Variants in TBC1D14 observed in about 807,000 individuals in gnomAD.
The protein encoded by TBC1D14 is TBC1 domain family, member 14.
In TBC1D14, 26 loss-of-function variants were observed where a neutral mutation model predicts 79.0. That is an observed-to-expected ratio of 0.33 (90% CI 0.24 to 0.46). TBC1D14 has a LOEUF of 0.46. Ranked by LOEUF, TBC1D14 falls within the 20% of genes least tolerant of loss-of-function variation. The probability of loss-of-function intolerance (pLI) is 1.00; values close to 1 mark genes in which losing one functional copy is unlikely to be tolerated. For missense variants in TBC1D14, 769 were observed against 887.6 expected (o/e 0.87, Z 1.70); for synonymous variants, 394 against 349.9 (o/e 1.13, Z -1.40).
intron 12 of TBC1D14, among the ~76,000 whole-genome samples, chr4:7,015,540 G>C (rs1401197126): frequency 2.6e-5 from 4 of 152,184 alleles, no homozygotes; most frequent in Non-Finnish European, 5.9e-5. Context: ...CTACGCAGCA[G>C]CATTGGGCCA....
At chr4:6,973,675 T>C (rs1232510964) in intron 3 of TBC1D14, among the ~76,000 whole-genome samples, 1 of 152,038 alleles carries the variant, frequency 6.6e-6, no homozygotes, top group Non-Finnish European at 1.5e-5. Flanking sequence ...CCAATATTTC[T>C]CAGCCTGAAC....
chr4:6,918,801 C>A (rs1181925032), intron 1 of TBC1D14, among the ~76,000 whole-genome samples: 1 of 152,190 alleles, frequency 6.6e-6, no homozygotes, highest in African/African-American at 2.4e-5. Flanking sequence ...TAGCTCTTAA[C>A]TGTGTGCTAA....
chr4:6,932,559 A>C (rs551308979), intron 2 of TBC1D14, among the ~76,000 whole-genome samples: 1 of 152,286 alleles, frequency 6.6e-6, no homozygotes, highest in East Asian at 1.9e-4. Context: ...CTGTATGGGC[A>C]TGTAGGCCAC....
Position 6,942,742 on chromosome 4 carries a change from C to G in TBC1D14, c.722+18631C>G, listed in dbSNP as rs192305524. Reference sequence around the variant, plus strand: ...TCCCCGCCCCCACATCCTGCAGAACCAGGCACGAGGAAGAAGGAAGGTGAG... The same window carrying G: ...TCCCCGCCCCCACATCCTGCAGAACGAGGCACGAGGAAGAAGGAAGGTGAG... On this transcript the variant is annotated intron_variant, in intron 2 of 13. Transcript: ENST00000409757. Among the ~76,000 whole-genome samples the G allele has an allele frequency of 1.6e-3, 240 of 152,248 alleles. 2 individuals are homozygous for G. In the Middle Eastern group the frequency reaches 0.02, roughly 13 times the overall value.
chr4:7,023,512 T>C (rs1360905756), intron 12 of TBC1D14, among the ~76,000 whole-genome samples: 1 of 152,232 alleles, frequency 6.6e-6, no homozygotes, highest in Non-Finnish European at 1.5e-5. Context: ...AACTGTACTT[T>C]CTAGACCAGG....
intron 3 of TBC1D14, among the ~76,000 whole-genome samples, chr4:6,976,309 T>A (rs576254753): frequency 1.7e-4 from 26 of 152,222 alleles, no homozygotes; most frequent in African/African-American, 5.5e-4. Flanking sequence ...TAGAAACCTA[T>A]AGATTCAGGA....
At chr4:6,981,727 A>G (rs1333626079) in intron 3 of TBC1D14, among the ~76,000 whole-genome samples, 2 of 152,240 alleles carry the variant, frequency 1.3e-5, no homozygotes, top group African/African-American at 2.4e-5. Context: ...GTGTTTGAAA[A>G]TCGATCAGTG....
At chr4:6,981,685 G>C (rs1036859510) in intron 3 of TBC1D14, among the ~76,000 whole-genome samples, 2 of 152,184 alleles carry the variant, frequency 1.3e-5, no homozygotes, top group African/African-American at 4.8e-5. Context: ...ATGACAAAGT[G>C]ACGTTTAGCC....
chr4:7,021,871 T>G (rs1439634141), intron 12 of TBC1D14, among the ~76,000 whole-genome samples: 1 of 152,186 alleles, frequency 6.6e-6, no homozygotes, highest in Non-Finnish European at 1.5e-5. Context: ...CCTGCTTCTG[T>G]GAGCCTGAGG....
chr4:7,002,156 G>C (rs1224784821), intron 7 of TBC1D14, among the ~76,000 whole-genome samples: 1 of 152,222 alleles, frequency 6.6e-6, no homozygotes, highest in African/African-American at 2.4e-5. Flanking sequence ...CAGCCAGCTG[G>C]CTGGTGACTG....
At chr4:6,962,389 C>T (rs140368671) in intron 2 of TBC1D14, among the ~76,000 whole-genome samples, 2 of 152,160 alleles carry the variant, frequency 1.3e-5, no homozygotes, top group Non-Finnish European at 1.5e-5. Context: ...GTTTACTTGC[C>T]GTGCCCTTGA....
At chr4:6,909,785 C>G (rs1722812753), upstream of TBC1D14, 1 of 148,426 alleles carries the variant, frequency 6.7e-6, no homozygotes, top group African/African-American at 2.4e-5. Context: ...CGGGGCGAAG[C>G]GAGGGTGCGC....
intron 3 of TBC1D14, among the ~76,000 whole-genome samples, chr4:6,986,590 A>T (rs1449866166): frequency 6.6e-6 from 1 of 152,030 alleles, no homozygotes; most frequent in Non-Finnish European, 1.5e-5. Flanking sequence ...GTCACGGGAG[A>T]GCCTCGTGTT....
chr4:6,914,248 C>T (rs1723220243), intron 1 of TBC1D14, among the ~76,000 whole-genome samples: 1 of 152,124 alleles, frequency 6.6e-6, no homozygotes, highest in African/African-American at 2.4e-5. Flanking sequence ...TGAACAATAA[C>T]CGCAGTTTCT....
intron 3 of TBC1D14, among the ~76,000 whole-genome samples, chr4:6,978,823 A>T (rs964346827): frequency 3.9e-5 from 6 of 152,110 alleles, no homozygotes; most frequent in African/African-American, 1.4e-4. Flanking sequence ...TGACGTGTGC[A>T]TGGGGTTCTT....
At chr4:6,951,223 T>G (rs1447686614) in intron 2 of TBC1D14, among the ~76,000 whole-genome samples, 1 of 152,056 alleles carries the variant, frequency 6.6e-6, no homozygotes, top group Non-Finnish European at 1.5e-5. Flanking sequence ...ACCCAAGAGA[T>G]GGAGGTTGCA....
chr4:6,935,079 G>C (rs1211078559), intron 2 of TBC1D14, among the ~76,000 whole-genome samples: 1 of 152,134 alleles, frequency 6.6e-6, no homozygotes, highest in East Asian at 1.9e-4. Context: ...CAGTGATCGC[G>C]CCACTGCATT....
At chr4:7,011,143 G>A (rs185068098) in intron 11 of TBC1D14, among the ~76,000 whole-genome samples, 1 of 152,320 alleles carries the variant, frequency 6.6e-6, no homozygotes, top group Admixed American at 6.5e-5. Flanking sequence ...GGCCTGTTGG[G>A]TAGAACATGT....
chr4:7,006,877 C>G lies in TBC1D14; in HGVS notation c.1446+151C>G, dbSNP rs112184493. On this transcript the variant is annotated intron_variant, in intron 9 of 13. Coordinates refer to ENST00000409757, the MANE Select transcript of TBC1D14 (RefSeq NM_020773.3). ...GATGTTACTATTAAATACATTTAGA[C>G]TTTTTAAAATAAGTGTAACTGATCA... 1,038 of 599,040 alleles carry G rather than the reference C, an allele frequency of 1.7e-3. 1 individual carries two copies. Among genetic ancestry groups the G allele is most frequent in the Non-Finnish European group, 2.6e-3 (898 of 341,108 alleles). 37.1% of individuals were successfully genotyped at this position (599,040 alleles called of 1,614,324 possible).
Sources: gnomAD v4.1 joint callset for allele counts (sites outside exome capture counted in the v4.1 genomes callset) on GRCh38, gnomAD v4.1.1 for gene constraint, MANE v1.5 for transcripts, NCBI Gene and HGNC (gene_info 2026-07-23, HGNC 2026-07-21) for gene names.